MAP3K19: variants seen among roughly 807,000 people sequenced by gnomAD.
MAP3K19 encodes mitogen-activated protein kinase kinase kinase 19.
In MAP3K19, 91 loss-of-function variants were observed where a neutral mutation model predicts 114.4. That is an observed-to-expected ratio of 0.80 (90% CI 0.67 to 0.95). The LOEUF is 0.95. Ranked by LOEUF, MAP3K19 falls within the 40% of genes least tolerant of loss-of-function variation. MAP3K19 has a pLI of 0.00. For missense variants in MAP3K19, 1,471 were observed against 1,573.2 expected, an observed-to-expected ratio of 0.94 and a Z score of 1.10; for synonymous variants, 518 against 530.5, an observed-to-expected ratio of 0.98 and a Z score of 0.32.
At chr2:135,040,873 T>G (rs1469115304) in intron 1 of MAP3K19, among the ~76,000 whole-genome samples, 1 of 152,210 alleles carries the variant, frequency 6.6e-6, no homozygotes, top group African/African-American at 2.4e-5. Flanking sequence ...AACCTGGATT[T>G]AAATTCCTTC....
At chr2:135,005,222 G>A (rs547007167) in intron 6 of MAP3K19, among the ~76,000 whole-genome samples, 2 of 152,184 alleles carry the variant, frequency 1.3e-5, no homozygotes, top group South Asian at 2.1e-4. Context: ...ATGTATCATG[G>A]GGTTTGTTGT....
intron 9 of MAP3K19, among the ~76,000 whole-genome samples, chr2:134,990,320 A>G (rs893634736): frequency 6.6e-6 from 1 of 152,186 alleles, no homozygotes; most frequent in African/African-American, 2.4e-5. Context: ...CCTCTGTGAC[A>G]GCACGACCAA....
At chr2:134,998,381 T>C (rs1686179665) in intron 8 of MAP3K19, among the ~76,000 whole-genome samples, 1 of 152,166 alleles carries the variant, frequency 6.6e-6, no homozygotes, top group Non-Finnish European at 1.5e-5. Context: ...ACTGAAATTA[T>C]CAAGTATAGT....
chr2:135,030,840 T>C (rs1688362218), intron 2 of MAP3K19, among the ~76,000 whole-genome samples: 1 of 152,158 alleles, frequency 6.6e-6, no homozygotes, highest in East Asian at 1.9e-4. Flanking sequence ...GAGGATCACT[T>C]GAGCCCAGGA....
Position 135,032,389 on chromosome 2 carries a change from ACAGT to A in MAP3K19, c.-283-1893_-283-1890del, listed in dbSNP as rs1688404581. Among the ~76,000 whole-genome samples the A allele has an allele frequency of 2.0e-5, 3 of 150,696 alleles. No individual in the cohort carries two copies. The South Asian group carries it at 6.3e-4, about 32-fold the overall frequency. ...AAAAAAAAAAGAAAAGAAAAGAAAA[ACAGT>A]CTGTCAGTTCCTCAAATGATTAAAC... On this transcript the variant is annotated intron_variant, in intron 2 of 12. Coordinates refer to ENST00000392915, the MANE Select transcript of MAP3K19 (RefSeq NM_025052.5).
At chr2:134,995,121 G>A (rs1685885434) in intron 8 of MAP3K19, among the ~76,000 whole-genome samples, 1 of 151,990 alleles carries the variant, frequency 6.6e-6, no homozygotes, top group African/African-American at 2.4e-5. Context: ...AGACCAGCCT[G>A]GGCAATATAG....
Position 134,981,383 on chromosome 2 carries a change from G to T in MAP3K19, c.3358C>A (p.His1120Asn), listed in dbSNP as rs1371126936. 1.9e-6 allele frequency: 3 copies of T among 1,614,198 alleles called. No individual in the cohort carries two copies. The East Asian group carries it at 6.7e-5, about 36-fold the overall frequency. Residue 1120 changes from histidine to asparagine, a missense_variant, in exon 12 of 13, where the codon CAT (histidine) becomes AAT (asparagine). His to Asn is a moderately conservative substitution (Grantham distance 68). Coordinates refer to ENST00000392915, the MANE Select transcript of MAP3K19 (RefSeq NM_025052.5). ...EEVDLLKALK[H>N]VNIVAYLGTC... ...CCCAAATAGGCCACAATGTTGACAT[G>T]TTTCAGTGCTTTGAGCAAATCTACT...
intron 3 of MAP3K19, among the ~76,000 whole-genome samples, chr2:135,028,874 T>C (rs955844819): frequency 3.4e-5 from 5 of 148,360 alleles, no homozygotes; most frequent in African/African-American, 1.2e-4. Flanking sequence ...AATTAGTTAA[T>C]TTTTTTTTTT....
At chr2:134,990,159 A>G (rs1003800697) in intron 9 of MAP3K19, among the ~76,000 whole-genome samples, 1 of 152,124 alleles carries the variant, frequency 6.6e-6, no homozygotes, top group African/African-American at 2.4e-5. Context: ...AGCACTGCAC[A>G]TGGCAAGGCA....
intron 5 of MAP3K19, among the ~76,000 whole-genome samples, chr2:135,013,959 A>G (rs927869230): frequency 1.1e-4 from 16 of 152,208 alleles, no homozygotes; most frequent in South Asian, 2.1e-4. Context: ...CTTAAAAGGT[A>G]TATCAGAAGT....
intron 12 of MAP3K19, among the ~76,000 whole-genome samples, chr2:134,969,886 G>A (rs969095457): frequency 1.3e-5 from 2 of 152,132 alleles, no homozygotes; most frequent in African/African-American, 4.8e-5. Context: ...CCCAGTATAT[G>A]TTCTTGGTCC....
chr2:135,000,254 A>G (rs977481236), intron 6 of MAP3K19, among the ~76,000 whole-genome samples: 1 of 152,238 alleles, frequency 6.6e-6, no homozygotes, highest in South Asian at 2.1e-4. Flanking sequence ...TGTAAAATAA[A>G]GTTTTATAAC....
chr2:134,972,503 A>C (rs1683949870), intron 12 of MAP3K19, among the ~76,000 whole-genome samples: 1 of 152,072 alleles, frequency 6.6e-6, no homozygotes, highest in Non-Finnish European at 1.5e-5. Flanking sequence ...AGGTCACCCC[A>C]TCTGGAATGC....
chr2:134,968,671 G>C (rs1220767356), intron 12 of MAP3K19, among the ~76,000 whole-genome samples: 3 of 151,384 alleles, frequency 2.0e-5, no homozygotes, highest in Non-Finnish European at 4.4e-5. Flanking sequence ...CCTCCCAGAC[G>C]GGGTCGCGGC....
intron 3 of MAP3K19, among the ~76,000 whole-genome samples, chr2:135,025,350 G>C (rs1254147304): frequency 7.1e-6 from 1 of 141,638 alleles, no homozygotes; most frequent in Non-Finnish European, 1.5e-5. Flanking sequence ...AAACCAAAGT[G>C]TGCCTCTCCA....
intron 12 of MAP3K19, among the ~76,000 whole-genome samples, chr2:134,966,933 A>G (rs1177086003): frequency 4.6e-5 from 7 of 152,312 alleles, no homozygotes; most frequent in South Asian, 2.1e-4. Flanking sequence ...TACTGTGTCT[A>G]TGTAGAAAGG....
intron 9 of MAP3K19, among the ~76,000 whole-genome samples, chr2:134,990,167 G>C (rs1172832983): frequency 6.6e-6 from 1 of 152,092 alleles, no homozygotes; most frequent in East Asian, 1.9e-4. Flanking sequence ...ACATGGCAAG[G>C]CATAATTTTC....
chr2:134,986,085 A>G lies in MAP3K19; in HGVS notation c.2787T>C (p.His929=). The change falls in exon 10 of 13, where the codon CAT becomes CAC. Residue 929 remains histidine (H), a synonymous_variant. Transcript: ENST00000392915. ...TYQYWVHYLD[H]DSLANKSITY... is the part of the protein sequence containing the mutation. ...TGATTGACTTATTTGCTAAACTATC[A>G]TGATCCAAATAATGTACCCAATATT... 1 of 1,614,082 alleles carries G rather than the reference A, an allele frequency of 6.2e-7. No homozygotes were observed. The highest frequency in any genetic ancestry group is 1.1e-5 in the South Asian group (1 of 91,042).
intron 5 of MAP3K19, among the ~76,000 whole-genome samples, chr2:135,011,557 C>T (rs13417776): frequency 0.25 from 35,535 of 144,810 alleles, 5,591 homozygotes; most frequent in African/African-American, 0.4. Flanking sequence ...AAAAAAAAGT[C>T]TTAAAGTTGC....
Sources: allele counts gnomAD v4.1 joint callset (sites outside exome capture counted in the v4.1 genomes callset), GRCh38; gene constraint gnomAD v4.1.1; transcripts MANE v1.5; gene names NCBI Gene and HGNC (gene_info 2026-07-23, HGNC 2026-07-21).